The following ZNF423 variants were observed in gnomAD, a reference collection of about 807,000 sequenced individuals.
ZNF423 encodes zinc finger protein 423.
A neutral mutation model predicts 95.8 loss-of-function variants in ZNF423; 12 were observed. The ratio of observed to expected loss-of-function variants is 0.13; its 90% CI spans 0.08 to 0.20. ZNF423 has a LOEUF of 0.20. ZNF423 is among the 10% of genes least tolerant of loss of function. The pLI, the probability that ZNF423 is intolerant of heterozygous loss-of-function variation, is 1.00. For missense variants in ZNF423, 1,316 were observed against 1,737.1 expected (o/e 0.76, Z 4.31); for synonymous variants, 749 against 711.9 (o/e 1.05, Z -0.83).
At chr16:49,810,416 T>C (rs1266021255) in intron 1 of ZNF423, among the ~76,000 whole-genome samples, 1 of 152,124 alleles carries the variant, frequency 6.6e-6, no homozygotes, top group African/African-American at 2.4e-5. Context: ...CCACCAGACC[T>C]CTGCTATCCA....
intron 3 of ZNF423, among the ~76,000 whole-genome samples, chr16:49,714,265 T>A (rs2032635688): frequency 6.6e-6 from 1 of 152,126 alleles, no homozygotes; most frequent in African/African-American, 2.4e-5. Context: ...TACCTCCTTA[T>A]TATCTGTTTC....
intron 2 of ZNF423, among the ~76,000 whole-genome samples, chr16:49,750,603 C>T (rs1321937538): frequency 1.3e-5 from 2 of 152,184 alleles, no homozygotes; most frequent in East Asian, 1.9e-4. Context: ...AAAACACTCA[C>T]GGAGACCCTG....
rs201984625 is a variant in ZNF423 at position 49,789,488 on chromosome 16, T to C, written c.99A>G (p.Ala33=). The C allele has an allele frequency of 1.7e-5, 28 of 1,612,064 alleles. No homozygotes were observed. The highest frequency in any genetic ancestry group is 2.2e-5 in the Non-Finnish European group (26 of 1,179,442). The stretch of plus-strand genomic sequence containing the variant: ...TTCCACCAGCCCCCGGGCATTTACC[T>C]GCTGCTGTCACGGAGGAATCCCAGG... ...SLAWDSSVTA[A]GGLEGEPECD... is the part of the protein sequence containing the mutation. The change falls in exon 2 of 8, where the codon GCA becomes GCG. Residue 33 remains alanine (A), a splice_region_variant and synonymous_variant. Coordinates refer to ENST00000563137, the MANE Select transcript of ZNF423 (RefSeq NM_001379286.1).
At chr16:49,554,038 G>A (rs2151757729) in intron 5 of ZNF423, among the ~76,000 whole-genome samples, 1 of 152,278 alleles carries the variant, frequency 6.6e-6, no homozygotes, top group South Asian at 2.1e-4. Context: ...TTCCTTTGCT[G>A]GGCTTCATGG....
At position 49,600,849 on chromosome 16, in the gene ZNF423, C is replaced by T. The variant is rs562194829; in HGVS notation, c.3601+25321G>A. The stretch of plus-strand genomic sequence containing the variant: ...CCACATTGCCGAAATAAATCACCGT[C>T]GCTCAGGAGGGGCTCCGGCCCGGCC... On this transcript the variant is annotated intron_variant, in intron 5 of 7. Coordinates refer to ENST00000563137, the MANE Select transcript of ZNF423 (RefSeq NM_001379286.1). Among the ~76,000 whole-genome samples the T allele has an allele frequency of 5.5e-4, 84 of 152,314 alleles. No individual in the cohort carries two copies. The South Asian group carries it at 0.016, about 30-fold the overall frequency.
rs139142141 is a variant in ZNF423, at chr16:49,636,517, C to T, written c.2659G>A (p.Val887Met). 6.9e-5 allele frequency: 112 copies of T among 1,613,752 alleles called. 2 individuals carry two copies. The highest frequency in any genetic ancestry group is 3.4e-4 in the South Asian group (31 of 91,090). ...CCGTACATGGGCTCCGACGCGTCCA[C>T]GTCATCCTCGCTGGCCTCATGGCTG... ...PNSHEASEDD[V>M]DASEPMYGCD... The change falls in exon 4 of 8, where the codon GTG (valine) becomes ATG (methionine). Residue 887 changes from valine to methionine, a missense_variant. Around this residue, in one of 6 missense-constraint regions of ZNF423, gnomAD observed 620 missense variants for 775.6 expected, o/e 0.80. Coordinates refer to ENST00000563137, the MANE Select transcript of ZNF423 (RefSeq NM_001379286.1). The surrounding 1 kb of genome is among the most constrained non-coding windows in gnomAD (Gnocchi z 8.6).
At chr16:49,800,342 G>A (rs2034563344) in intron 1 of ZNF423, among the ~76,000 whole-genome samples, 1 of 152,050 alleles carries the variant, frequency 6.6e-6, no homozygotes, top group Non-Finnish European at 1.5e-5. Context: ...TCCCTCCTTG[G>A]GAGTTTTCTC....
intron 3 of ZNF423, among the ~76,000 whole-genome samples, chr16:49,722,159 C>T (rs1460670408): frequency 6.6e-6 from 1 of 152,172 alleles, no homozygotes; most frequent in Non-Finnish European, 1.5e-5. Context: ...CAGCTTACTC[C>T]GGATGGTTCC....
intron 5 of ZNF423, among the ~76,000 whole-genome samples, chr16:49,554,564 C>T (rs940416923): frequency 1.8e-4 from 27 of 151,980 alleles, no homozygotes; most frequent in South Asian, 1.5e-3. Flanking sequence ...CTGAAAATGC[C>T]AACTCAATGT....
intron 3 of ZNF423, among the ~76,000 whole-genome samples, chr16:49,729,642 T>TTAA (rs765579492): frequency 5.2e-5 from 1 of 19,210 alleles, no homozygotes; most frequent in African/African-American, 1.1e-4. Flanking sequence ...CTTAGGTCTA[T>TTAA]TATTATTATT....
chr16:49,737,326 A>G (rs1414908157), intron 2 of ZNF423, among the ~76,000 whole-genome samples: 1 of 151,682 alleles, frequency 6.6e-6, no homozygotes, highest in African/African-American at 2.4e-5. Context: ...CTGGAGTGCA[A>G]TGGTGCAATC....
At chr16:49,782,751 A>T (rs572448488) in intron 2 of ZNF423, among the ~76,000 whole-genome samples, 1 of 152,140 alleles carries the variant, frequency 6.6e-6, no homozygotes, top group Non-Finnish European at 1.5e-5. Flanking sequence ...ACTCTGCCCA[A>T]CCAGTCCCAG....
chr16:49,738,267 G>A (rs73573383), intron 2 of ZNF423, among the ~76,000 whole-genome samples: 18 of 152,312 alleles, frequency 1.2e-4, no homozygotes, highest in African/African-American at 4.3e-4. Flanking sequence ...ATAAATATGG[G>A]GTGGGCAAAT....
chr16:49,757,612 C>T (rs1339830626), intron 2 of ZNF423, among the ~76,000 whole-genome samples: 4 of 152,188 alleles, frequency 2.6e-5, no homozygotes, highest in African/African-American at 9.7e-5. Flanking sequence ...CTATTGTGGA[C>T]ACCCAAACCA....
intron 5 of ZNF423, among the ~76,000 whole-genome samples, chr16:49,543,647 G>A (rs144979733): frequency 1.9e-3 from 292 of 152,334 alleles, no homozygotes; most frequent in Non-Finnish European, 3.6e-3. Flanking sequence ...CTGGCGGGTG[G>A]GCGGGGGCAG....
At chr16:49,747,241 G>A (rs964737625) in intron 2 of ZNF423, among the ~76,000 whole-genome samples, 19 of 151,910 alleles carry the variant, frequency 1.3e-4, no homozygotes. Flanking sequence ...TTTACAGAGT[G>A]GACACCATGC....
chr16:49,765,682 T>A (rs35817804), intron 2 of ZNF423, among the ~76,000 whole-genome samples: 8,569 of 152,024 alleles, frequency 0.056, 310 homozygotes, highest in South Asian at 0.11. Flanking sequence ...ATCGCGCCAC[T>A]GCACTCCAGC....
chr16:49,857,803 T>G (rs2035387293), upstream of ZNF423: 1 of 152,250 alleles, frequency 6.6e-6, no homozygotes, highest in Non-Finnish European at 1.5e-5. This position sits in a 1 kb window ranked among gnomAD's most constrained non-coding sequence, Gnocchi z 6.2. Context: ...AACCAGCTGC[T>G]ACTTTCTGCG....
intron 1 of ZNF423, among the ~76,000 whole-genome samples, chr16:49,793,045 G>A (rs1230693330): frequency 6.6e-6 from 1 of 152,150 alleles, no homozygotes; most frequent in Non-Finnish European, 1.5e-5. Flanking sequence ...TGGGGTTACA[G>A]GCATGAGCCA....
Sources: gnomAD v4.1 joint callset for allele counts (sites outside exome capture counted in the v4.1 genomes callset) on GRCh38, gnomAD v4.1.1 for gene constraint, gnomAD v4.1.1 regional missense constraint, Gnocchi (gnomAD v3.1) non-coding constraint, MANE v1.5 for transcripts, NCBI Gene and HGNC (gene_info 2026-07-23, HGNC 2026-07-21) for gene names.